Variants in MRC2 observed in about 807,000 individuals in gnomAD.
MRC2 encodes the protein C-type mannose receptor 2.
Under a neutral mutation model 206.2 loss-of-function variants are expected in MRC2, and 84 were observed. That is an observed-to-expected ratio of 0.41 (90% CI 0.34 to 0.49). The LOEUF (loss-of-function observed/expected upper bound fraction) is 0.49, where lower values mean the gene tolerates loss of function less well. Among genes scored for constraint, MRC2 ranks in the 20% least tolerant of loss-of-function variants. The pLI, the probability that MRC2 is intolerant of heterozygous loss-of-function variation, is 0.31. For missense variants in MRC2, 1,676 were observed against 2,001.5 expected (o/e 0.84, Z 3.10); for synonymous variants, 798 against 800.0 (o/e 1.00, Z 0.04).
At chr17:62,630,388 A>G (rs1429300626) in intron 1 of MRC2, among the ~76,000 whole-genome samples, 1 of 152,166 alleles carries the variant, frequency 6.6e-6, no homozygotes, top group African/African-American at 2.4e-5. Context: ...ACCCCTAGTA[A>G]GTGAAAGGCT....
At position 62,672,029 on chromosome 17, in the gene MRC2, T is replaced by C; in HGVS notation, c.1338T>C (p.Asp446=). Residue 446 remains aspartate, a synonymous_variant, in exon 8 of 30, where the codon GAT becomes GAC. Coordinates refer to ENST00000303375, the MANE Select transcript of MRC2 (RefSeq NM_006039.5). The surrounding 1 kb of genome is among the most constrained non-coding windows in gnomAD (Gnocchi z 4.5). The part of the protein sequence containing the change: ...EVEELWIGLN[D]LKLQMNFEWS... Reference sequence around the variant, plus strand: ...AGGAGCTGTGGATCGGCCTCAACGATTTGAAACTGCAGATGAATTTTGAGT... The same window carrying C: ...AGGAGCTGTGGATCGGCCTCAACGACTTGAAACTGCAGATGAATTTTGAGT... 1 of 1,614,116 alleles carries C rather than the reference T, an allele frequency of 6.2e-7. No homozygotes were observed. The highest frequency in any genetic ancestry group is 8.5e-7 in the Non-Finnish European group (1 of 1,180,014).
chr17:62,628,808 C>A (rs2084192189), intron 1 of MRC2, among the ~76,000 whole-genome samples: 1 of 152,078 alleles, frequency 6.6e-6, no homozygotes, highest in East Asian at 1.9e-4. Context: ...AGATCCACTT[C>A]CTGGGGGAGT....
chr17:62,633,822 CAG>C (rs1490546073), intron 1 of MRC2, among the ~76,000 whole-genome samples: 1 of 110,190 alleles, frequency 9.1e-6, no homozygotes, highest in African/African-American at 3.5e-5. Context: ...GCCTGAGTGA[CAG>C]AGTGAGACCC....
chr17:62,645,803 G>A (rs182894413), intron 1 of MRC2, among the ~76,000 whole-genome samples: 1 of 151,206 alleles, frequency 6.6e-6, no homozygotes, highest in Non-Finnish European at 1.5e-5. Flanking sequence ...GCTTCCCAAA[G>A]TGCTGGGATT....
Position 62,644,311 on chromosome 17 carries a change from C to T in MRC2, c.118+16391C>T, listed in dbSNP as rs532137169. Among the ~76,000 whole-genome samples the T allele has an allele frequency of 2.8e-4, 43 of 152,028 alleles. No homozygotes were observed. The South Asian group carries it at 4.0e-3, about 14-fold the overall frequency. Reference sequence around the variant, plus strand: ...ATGGGCACCTGTAATCTCAGCTACTCGAGAGGCTGAGGCAGGAGAATTGCT... The same window carrying T: ...ATGGGCACCTGTAATCTCAGCTACTTGAGAGGCTGAGGCAGGAGAATTGCT... On this transcript the variant is annotated intron_variant, in intron 1 of 29. Transcript: ENST00000303375.
chr17:62,669,167 T>A (rs1244400741), intron 6 of MRC2, among the ~76,000 whole-genome samples: 1 of 151,772 alleles, frequency 6.6e-6, no homozygotes, highest in Non-Finnish European at 1.5e-5. Context: ...GAGCAAAACT[T>A]CTGCTCCTGA....
At position 62,678,557 on chromosome 17, in the gene MRC2, G is replaced by C; in HGVS notation, c.2106G>C (p.Gly702=). 3 of 1,609,944 alleles carry C rather than the reference G, an allele frequency of 1.9e-6. No homozygotes were observed. Among genetic ancestry groups the C allele is most frequent in the East Asian group, 4.5e-5 (2 of 44,766 alleles). Residue 702 remains glycine, a synonymous_variant, in exon 13 of 30, where the codon GGG becomes GGC. Transcript: ENST00000303375. The part of the protein sequence containing the change: ...QDKKSWVQAQ[G]ACQELGAQLL... ...AGAAGAGCTGGGTCCAGGCCCAGGG[G>C]GCCTGCCAGGAGCTGGGGGCCCAGC...
chr17:62,692,465 G>C lies in MRC2; in HGVS notation c.*14G>C, dbSNP rs763504011. 120 of 1,549,182 alleles carry C rather than the reference G, an allele frequency of 7.7e-5. No individual in the cohort carries two copies. Among genetic ancestry groups the C allele is most frequent in the Non-Finnish European group, 7.9e-6 (9 of 1,145,372 alleles). ...CAACAAGAATAGAGCCAGGCGCGTG[G>C]GCAGGGCCAGGGCGGGAGGAGCTGG... On this transcript the variant is annotated 3_prime_UTR_variant, in exon 30 of 30. Transcript: ENST00000303375. This position sits in a 1 kb window ranked among gnomAD's most constrained non-coding sequence, Gnocchi z 4.2.
intron 10 of MRC2, 138 bp from the exon 11 acceptor site, chr17:62,676,245 G>T: frequency 9.6e-7 from 1 of 1,044,636 alleles, no homozygotes; most frequent in East Asian, 2.6e-5. Context: ...CAGCTGCAGG[G>T]CTCCCAGGCG....
At chr17:62,654,574 C>T (rs996653107) in intron 1 of MRC2, among the ~76,000 whole-genome samples, 9 of 151,920 alleles carry the variant, frequency 5.9e-5, no homozygotes, top group African/African-American at 2.2e-4. Flanking sequence ...GGGCTGAGTC[C>T]GGGGAAACTG....
At chr17:62,682,107 T>A in intron 19 of MRC2, 128 bp from the exon 20 acceptor site, 1 of 1,173,778 alleles carries the variant, frequency 8.5e-7, no homozygotes, top group Non-Finnish European at 1.2e-6. Context: ...AGACTTGAAT[T>A]CGGAGCTGGA....
At chr17:62,656,655 C>A (rs2088622672) in intron 1 of MRC2, among the ~76,000 whole-genome samples, 1 of 152,198 alleles carries the variant, frequency 6.6e-6, no homozygotes, top group African/African-American at 2.4e-5. Flanking sequence ...TGCAGCCGAC[C>A]CAAGAGGCTG....
intron 1 of MRC2, among the ~76,000 whole-genome samples, chr17:62,644,615 G>C (rs1056748701): frequency 2.0e-5 from 3 of 152,140 alleles, no homozygotes; most frequent in African/African-American, 7.2e-5. Flanking sequence ...CTTGTGATCA[G>C]TCAGTCACGT....
At position 62,691,020 on chromosome 17, in the gene MRC2, A is replaced by G. The variant is rs1400648206; in HGVS notation, c.4084A>G (p.Ser1362Gly). 6.2e-7 allele frequency: 1 copy of G among 1,609,138 alleles called. No homozygotes were observed. Residue 1362 changes from serine (S) to glycine (G), a missense_variant, in exon 28 of 30, where the codon AGC becomes GGC. This residue lies in a region of MRC2 where 1,354 missense variants were observed against 1,636.6 expected (regional missense o/e 0.83). Transcript: ENST00000303375. ...CTGGGGGCCCCCGGGCTTGGGCCCC[A>G]GCATGCTGAGCCACAACAGCTGCTA... ...SNWGPPGLGP[S>G]MLSHNSCYWI...
Position 62,668,594 on chromosome 17 carries a change from C to A in MRC2, c.1117+1061C>A, listed in dbSNP as rs554971341. ...CATTTAACAAGATCCTCAGATGATT[C>A]ATGTGCAGACACAGTTTGGGAAGCC... On this transcript the variant is annotated intron_variant, in intron 6 of 29. Transcript: ENST00000303375. Among the ~76,000 whole-genome samples, 44 of 152,208 alleles carry A rather than the reference C, an allele frequency of 2.9e-4. No homozygotes were observed. In the South Asian group the frequency reaches 9.1e-3, roughly 32 times the overall value.
intron 1 of MRC2, among the ~76,000 whole-genome samples, chr17:62,635,941 C>T (rs2088310663): frequency 6.6e-6 from 1 of 152,042 alleles, no homozygotes; most frequent in Non-Finnish European, 1.5e-5. Context: ...GCGCCCGCCA[C>T]CACGCCCGGC....
chr17:62,661,136 G>A (rs2088674301), intron 1 of MRC2, among the ~76,000 whole-genome samples: 1 of 152,190 alleles, frequency 6.6e-6, no homozygotes, highest in Non-Finnish European at 1.5e-5. Flanking sequence ...GAAGAACAAG[G>A]AGGTCAAAGC....
chr17:62,641,679 AG>A (rs2088405925), intron 1 of MRC2, among the ~76,000 whole-genome samples: 1 of 152,220 alleles, frequency 6.6e-6, no homozygotes, highest in South Asian at 2.1e-4. Flanking sequence ...TGTAACACAG[AG>A]GTGGACGAAT....
rs1262728262 is a variant in MRC2 at position 62,652,954 on chromosome 17, C to G, written c.119-11594C>G. On this transcript the variant is annotated intron_variant, in intron 1 of 29. Transcript: ENST00000303375. This position sits in a 1 kb window ranked among gnomAD's most constrained non-coding sequence, Gnocchi z 4.6. ...GAGCAGAAGCAGAGAAGACTCGGAA[C>G]TCCAAGAGCAGGTGGATCTGGGAGC... 2.0e-5 allele frequency among the ~76,000 whole-genome samples: 3 copies of G among 152,028 alleles called. No homozygotes were observed. Among genetic ancestry groups the G allele is most frequent in the Admixed American group, 2.0e-4 (3 of 15,280 alleles).
Sources: gnomAD v4.1 joint callset for allele counts (sites outside exome capture counted in the v4.1 genomes callset) on GRCh38, gnomAD v4.1.1 for gene constraint, gnomAD v4.1.1 regional missense constraint, Gnocchi (gnomAD v3.1) non-coding constraint, MANE v1.5 for transcripts, NCBI Gene and HGNC (gene_info 2026-07-23, HGNC 2026-07-21) for gene names.